FRMPD4: variants seen among roughly 807,000 people sequenced by gnomAD.
FRMPD4 encodes FERM and PDZ domain containing 4, also known as FERM and PDZ domain-containing protein 4.
A neutral mutation model predicts 94.1 loss-of-function variants in FRMPD4; 22 were observed. The observed-to-expected ratio is 0.23, with a 90% CI of 0.17 to 0.33. The LOEUF (loss-of-function observed/expected upper bound fraction) is 0.33. Ranked by LOEUF, FRMPD4 falls within the 10% of genes least tolerant of loss-of-function variation. FRMPD4 has a pLI of 1.00. For missense variants in FRMPD4, 1,111 were observed against 1,339.9 expected (o/e 0.83, Z 2.67); for synonymous variants, 631 against 548.6 (o/e 1.15, Z -2.10).
chrX:12,127,121 T>C (rs1052833518), intron 3 of FRMPD4, among the ~76,000 whole-genome samples: 1 of 112,332 alleles, frequency 8.9e-6, no homozygotes, highest in Non-Finnish European at 1.9e-5. Flanking sequence ...ACTTGTTCAT[T>C]CCTGTTTTTA....
At chrX:12,336,925 A>G (rs748016955) in intron 1 of FRMPD4, among the ~76,000 whole-genome samples, 6 of 111,734 alleles carry the variant, frequency 5.4e-5, no homozygotes, top group African/African-American at 1.6e-4. Flanking sequence ...CTGGCAGAGT[A>G]GCAGGTTTGA....
chrX:12,195,958 T>C (rs1356470670), intron 1 of FRMPD4, among the ~76,000 whole-genome samples: 2 of 111,951 alleles, frequency 1.8e-5, no homozygotes, highest in African/African-American at 6.5e-5. Flanking sequence ...TGAATGTTTA[T>C]GGAATGACGG....
intron 3 of FRMPD4, among the ~76,000 whole-genome samples, chrX:12,118,489 G>A (rs991614011): frequency 2.7e-5 from 3 of 112,226 alleles, no homozygotes; most frequent in Non-Finnish European, 5.6e-5. Flanking sequence ...CCAAGTCACC[G>A]TTGGGGCACT....
chrX:12,232,984 T>C (rs965509062), intron 1 of FRMPD4, among the ~76,000 whole-genome samples: 1 of 111,960 alleles, frequency 8.9e-6, no homozygotes, highest in African/African-American at 3.2e-5. Context: ...ATTTTTACTT[T>C]TCAAATATAG....
intron 8 of FRMPD4, among the ~76,000 whole-genome samples, chrX:12,690,633 T>C (rs1376379367): frequency 8.9e-6 from 1 of 112,405 alleles, no homozygotes; most frequent in Non-Finnish European, 1.9e-5. Context: ...TTCACCTGTT[T>C]TGGTCAACAA....
chrX:12,676,495 C>T (rs1168136577), intron 5 of FRMPD4, among the ~76,000 whole-genome samples: 2 of 112,466 alleles, frequency 1.8e-5, no homozygotes, highest in Non-Finnish European at 1.9e-5. Flanking sequence ...CCTGAATTCT[C>T]TTTCTATATT....
At chrX:12,572,442 G>T (rs1437257952) in intron 2 of FRMPD4, among the ~76,000 whole-genome samples, 1 of 112,362 alleles carries the variant, frequency 8.9e-6, no homozygotes, top group East Asian at 2.8e-4. Flanking sequence ...CAAAATAAAT[G>T]CTGCCTTTAG....
At chrX:11,824,368 T>C (rs896970875) in intron 1 of FRMPD4, among the ~76,000 whole-genome samples, 7 of 111,960 alleles carry the variant, frequency 6.3e-5, no homozygotes, top group African/African-American at 2.3e-4. Flanking sequence ...GTAGACTGAA[T>C]CTGAGTACAT....
chrX:12,374,570 TA>T (rs978209413), intron 1 of FRMPD4, among the ~76,000 whole-genome samples: 1 of 111,792 alleles, frequency 8.9e-6, no homozygotes, highest in African/African-American at 3.3e-5. Context: ...GGCAGTCCTT[TA>T]AAAAACAAAC....
chrX:12,508,427 A>G (rs752054720), intron 2 of FRMPD4, among the ~76,000 whole-genome samples: 1 of 112,608 alleles, frequency 8.9e-6, no homozygotes, highest in East Asian at 2.8e-4. Context: ...CTGGAGACTC[A>G]TGGCTATTCT....
chrX:12,292,463 C>T, intron 1 of FRMPD4, among the ~76,000 whole-genome samples: 1 of 110,944 alleles, frequency 9.0e-6, no homozygotes, highest in South Asian at 3.9e-4. Flanking sequence ...TATTCTACCA[C>T]CATTTTATAA....
intron 1 of FRMPD4, among the ~76,000 whole-genome samples, chrX:11,840,754 A>G (rs192603072): frequency 1.9e-5 from 2 of 105,680 alleles, no homozygotes; most frequent in African/African-American, 6.9e-5. Context: ...TAATTTTATT[A>G]TTATTATACT....
chrX:12,002,471 A>G lies in FRMPD4; in HGVS notation c.95+124453A>G, dbSNP rs191828239. Among the ~76,000 whole-genome samples, 14 of 112,363 alleles carry G rather than the reference A, an allele frequency of 1.2e-4. No homozygotes were observed. In the Admixed American group the frequency reaches 1.3e-3, roughly 11 times the overall value. On this transcript the variant is annotated intron_variant, in intron 3 of 18. Coordinates refer to the FRMPD4 transcript ENST00000640291. ...GTATGTAACAAAAAAGCCAAGTAAA[A>G]TTAAGTAATGTTAGAAGTCAAAGGT...
chrX:12,706,038 T>C (rs1057077263), intron 11 of FRMPD4, among the ~76,000 whole-genome samples: 3 of 111,492 alleles, frequency 2.7e-5, no homozygotes, highest in African/African-American at 9.8e-5. Flanking sequence ...TGTTGGAAAA[T>C]TTCAACCTTA....
intron 1 of FRMPD4, among the ~76,000 whole-genome samples, chrX:12,467,732 A>G (rs1342736300): frequency 8.9e-6 from 1 of 112,373 alleles, no homozygotes; most frequent in Non-Finnish European, 1.9e-5. Context: ...TTTTCATGCA[A>G]CATTAAGTTA....
At chrX:12,479,458 A>ATATACATATATATACGTATATAT (rs1569293700) in intron 1 of FRMPD4, among the ~76,000 whole-genome samples, 3 of 71,014 alleles carry the variant, frequency 4.2e-5, no homozygotes, top group African/African-American at 1.4e-4. Context: ...ATATATATGT[A>ATATACATATATATACGTATATAT]TATATGTATA....
chrX:12,037,419 T>A (rs1174182698), intron 3 of FRMPD4, among the ~76,000 whole-genome samples: 1 of 111,614 alleles, frequency 9.0e-6, no homozygotes, highest in Non-Finnish European at 1.9e-5. Flanking sequence ...TTACTTCCCA[T>A]CACCCTTGGC....
At chrX:12,056,448 T>C (rs936613730) in intron 3 of FRMPD4, among the ~76,000 whole-genome samples, 1 of 110,931 alleles carries the variant, frequency 9.0e-6, no homozygotes, top group African/African-American at 3.3e-5. Context: ...CACAGGAACG[T>C]TGGGGGAGGA....
chrX:12,138,899 C>G lies in FRMPD4; in HGVS notation c.-73C>G, dbSNP rs1409095383. ...GCGCACTGAGGTCTTGGCCATGGGG[C>G]TGCGGAGGCTGCTGTTGCTGGCGTG... On this transcript the variant is annotated 5_prime_UTR_variant, in exon 1 of 17. Coordinates refer to ENST00000675598, the MANE Select transcript of FRMPD4 (RefSeq NM_001368397.1). 8.9e-6 allele frequency: 8 copies of G among 901,870 alleles called. No homozygotes were observed. The highest frequency in any genetic ancestry group is 1.2e-5 in the Non-Finnish European group (8 of 662,969). 74.3% of individuals were successfully genotyped at this position (901,870 alleles called of 1,213,427 possible). A position where few individuals can be genotyped will look rare whatever the true frequency, so the allele number is the denominator to read the frequency against.
Sources: allele counts gnomAD v4.1 joint callset (sites outside exome capture counted in the v4.1 genomes callset), GRCh38; gene constraint gnomAD v4.1.1; transcripts MANE v1.5; gene names NCBI Gene and HGNC (gene_info 2026-07-23, HGNC 2026-07-21).